Variants in SEPTIN6 observed in about 807,000 individuals in gnomAD.
SEPTIN6 encodes septin-6.
A neutral mutation model predicts 33.6 loss-of-function variants in SEPTIN6; 8 were observed. The ratio of observed to expected loss-of-function variants is 0.24; its 90% CI spans 0.14 to 0.43. The LOEUF is 0.43. Ranked by LOEUF, SEPTIN6 falls within the 20% of genes least tolerant of loss-of-function variation. SEPTIN6 has a pLI of 1.00. For missense variants in SEPTIN6, 250 were observed against 340.8 expected (o/e 0.73, Z 2.10); for synonymous variants, 131 against 140.0 (o/e 0.94, Z 0.45).
At chrX:119,686,741 C>T (rs2055063213) in intron 1 of SEPTIN6, 4 of 378,995 alleles carry the variant, frequency 1.1e-5, no homozygotes, top group Non-Finnish European at 8.4e-6. Flanking sequence ...GCTGGTGGCT[C>T]CAAGATTTTT....
At chrX:119,658,661 T>C (rs1476209521) in intron 3 of SEPTIN6, among the ~76,000 whole-genome samples, 1 of 112,462 alleles carries the variant, frequency 8.9e-6, no homozygotes, top group Non-Finnish European at 1.9e-5. Flanking sequence ...CCCATCAACG[T>C]GAATGAAATT....
chrX:119,628,199 T>G (rs1226038487), intron 9 of SEPTIN6, among the ~76,000 whole-genome samples: 1 of 109,691 alleles, frequency 9.1e-6, no homozygotes, highest in African/African-American at 3.3e-5. Flanking sequence ...CTCAGCTTAC[T>G]GTAACCTACA....
At chrX:119,679,808 C>G (rs894821177) in intron 1 of SEPTIN6, among the ~76,000 whole-genome samples, 2 of 111,414 alleles carry the variant, frequency 1.8e-5, no homozygotes, top group South Asian at 3.7e-4. Flanking sequence ...TGCAGTGAGC[C>G]GAGATTGCGC....
Position 119,617,020 on chromosome X carries a change from A to ATG in SEPTIN6, c.*3072_*3073insCA. 1.0e-6 allele frequency: 1 copy of ATG among 963,806 alleles called. No homozygotes were observed. Among genetic ancestry groups the ATG allele is most frequent in the Non-Finnish European group, 1.3e-6 (1 of 768,083 alleles). 79.4% of individuals were successfully genotyped at this position (963,806 alleles called of 1,213,427 possible). A position where few individuals can be genotyped will look rare whatever the true frequency, so the allele number is the denominator to read the frequency against. On this transcript the variant is annotated 3_prime_UTR_variant, in exon 11 of 11. Coordinates refer to ENST00000394610, the MANE Select transcript of SEPTIN6 (RefSeq NM_145799.4). The stretch of plus-strand genomic sequence containing the variant: ...GTGAATGCCAAATGATTAAAACAAA[A>ATG]AAACAAAAACAAGAGCCATCTACAC...
chrX:119,682,706 CCCGAG>C (rs1947279344), intron 1 of SEPTIN6, among the ~76,000 whole-genome samples: 1 of 110,538 alleles, frequency 9.0e-6, no homozygotes, highest in Non-Finnish European at 1.9e-5. Context: ...CCCTTAAGCA[CCCGAG>C]TAGGCCACCT....
At chrX:119,620,583 T>C (rs1372725217) in intron 10 of SEPTIN6, among the ~76,000 whole-genome samples, 2 of 109,990 alleles carry the variant, frequency 1.8e-5, no homozygotes, top group Admixed American at 9.7e-5. Context: ...CCTCCCAAAG[T>C]GCTGGGATTA....
chrX:119,674,487 T>C (rs977008013), intron 2 of SEPTIN6, among the ~76,000 whole-genome samples: 2 of 112,294 alleles, frequency 1.8e-5, no homozygotes, highest in Admixed American at 9.4e-5. Flanking sequence ...GAAGATATTC[T>C]TGAAGAAGGA....
At chrX:119,641,151 T>C (rs10482497) in intron 5 of SEPTIN6, among the ~76,000 whole-genome samples, 30,722 of 109,848 alleles carry the variant, frequency 0.28, 3,293 homozygotes, top group African/African-American at 0.37. Flanking sequence ...ATGAGGGGGG[T>C]TCTGTGTGGA....
chrX:119,659,751 A>G (rs1237079725), intron 3 of SEPTIN6, among the ~76,000 whole-genome samples: 2 of 112,012 alleles, frequency 1.8e-5, no homozygotes, highest in Non-Finnish European at 3.8e-5. Flanking sequence ...TCCCTGGGCT[A>G]AAAAGACAGC....
intron 5 of SEPTIN6, among the ~76,000 whole-genome samples, chrX:119,647,483 C>CTT (rs61037430): frequency 8.1e-5 from 6 of 74,405 alleles, no homozygotes; most frequent in Admixed American, 1.7e-4. Flanking sequence ...TTCTCTCTCT[C>CTT]TTTTTTTTTT....
intron 1 of SEPTIN6, among the ~76,000 whole-genome samples, chrX:119,690,914 A>C (rs1344458517): frequency 9.1e-6 from 1 of 110,026 alleles, no homozygotes; most frequent in African/African-American, 3.3e-5. Context: ...AAAGGAGAAC[A>C]GAGAGACAAA....
intron 2 of SEPTIN6, among the ~76,000 whole-genome samples, chrX:119,674,949 G>A (rs979884385): frequency 1.8e-5 from 2 of 110,043 alleles, no homozygotes; most frequent in Non-Finnish European, 3.8e-5. Context: ...GCTCACACCT[G>A]TAATCCTAGC....
At chrX:119,680,092 A>G (rs895034735) in intron 1 of SEPTIN6, among the ~76,000 whole-genome samples, 1 of 111,492 alleles carries the variant, frequency 9.0e-6, no homozygotes, top group Non-Finnish European at 1.9e-5. Flanking sequence ...ATTTTGTGGA[A>G]GTAATCAATG....
At chrX:119,638,273 G>A (rs1433204209) in intron 6 of SEPTIN6, among the ~76,000 whole-genome samples, 1 of 111,420 alleles carries the variant, frequency 9.0e-6, no homozygotes, top group Non-Finnish European at 1.9e-5. Flanking sequence ...TTTCTGGCCT[G>A]TGTGAACAAG....
At chrX:119,671,214 G>A (rs1176677103) in intron 2 of SEPTIN6, among the ~76,000 whole-genome samples, 2 of 111,075 alleles carry the variant, frequency 1.8e-5, no homozygotes, top group Non-Finnish European at 3.8e-5. Flanking sequence ...GGGAGGCCAA[G>A]TAGGGAGGAC....
chrX:119,618,308 C>T lies in SEPTIN6; in HGVS notation c.*1785G>A. The T allele has an allele frequency of 3.7e-6, 3 of 812,370 alleles. No homozygotes were observed. The highest frequency in any genetic ancestry group is 4.4e-6 in the Non-Finnish European group (3 of 675,388). 66.9% of individuals were successfully genotyped at this position (812,370 alleles called of 1,213,427 possible). ...ATCACCTTCATACTTGCTCTGGTCA[C>T]TCACCAATCAATAGAGCACCAAACC... is the stretch of plus-strand genomic sequence containing the variant. On this transcript the variant is annotated 3_prime_UTR_variant, in exon 11 of 11. Transcript: ENST00000394610.
intron 1 of SEPTIN6, among the ~76,000 whole-genome samples, chrX:119,678,824 C>T (rs2054893958): frequency 9.0e-6 from 1 of 111,244 alleles, no homozygotes; most frequent in African/African-American, 3.3e-5. Context: ...CTGCCTCTTC[C>T]GGCCTCCAAC....
Position 119,633,617 on chromosome X carries a change from T to C in SEPTIN6, c.957-125A>G, listed in dbSNP as rs2054005920. 2.3e-5 allele frequency: 21 copies of C among 920,547 alleles called. No individual in the cohort carries two copies. In the South Asian group the frequency reaches 4.9e-4, roughly 22 times the overall value. 75.9% of individuals were successfully genotyped at this position (920,547 alleles called of 1,213,427 possible). A position where few individuals can be genotyped will look rare whatever the true frequency, so the allele number is the denominator to read the frequency against. Reference sequence around the variant, plus strand: ...CCCAGTTGTGAGCCAGGTACAAAAATAGAACCACAAAGCTGTGGGCACCTG... The same window carrying C: ...CCCAGTTGTGAGCCAGGTACAAAAACAGAACCACAAAGCTGTGGGCACCTG... On this transcript the variant is annotated intron_variant, in intron 7 of 10. Transcript: ENST00000394610.
chrX:119,624,144 G>A, intron 10 of SEPTIN6: 4 of 211,639 alleles, frequency 1.9e-5, no homozygotes, highest in South Asian at 1.8e-4. Flanking sequence ...TTTATTATGG[G>A]TTTTTTTTTT....
Sources: gnomAD v4.1 joint callset for allele counts (sites outside exome capture counted in the v4.1 genomes callset) on GRCh38, gnomAD v4.1.1 for gene constraint, MANE v1.5 for transcripts, NCBI Gene and HGNC (gene_info 2026-07-23, HGNC 2026-07-21) for gene names.